PLEKHG1: variants seen among roughly 807,000 people sequenced by gnomAD.
The protein encoded by PLEKHG1 is pleckstrin homology domain-containing family G member 1.
PLEKHG1 carries 44 observed loss-of-function variants against 100.8 expected under a neutral mutation model. The observed-to-expected ratio is 0.44, with a 90% CI of 0.34 to 0.56. The LOEUF (loss-of-function observed/expected upper bound fraction) is 0.56, where lower values mean the gene tolerates loss of function less well. Among genes scored for constraint, PLEKHG1 ranks in the 20% least tolerant of loss-of-function variants. The probability of loss-of-function intolerance (pLI) is 0.01; values close to 1 mark genes in which losing one functional copy is unlikely to be tolerated. For missense variants in PLEKHG1, 1,545 were observed against 1,720.9 expected, an observed-to-expected ratio of 0.90 and a Z score of 1.81; for synonymous variants, 640 against 662.5, an observed-to-expected ratio of 0.97 and a Z score of 0.52.
intron 1 of PLEKHG1, among the ~76,000 whole-genome samples, chr6:150,723,999 A>G (rs1207173374): frequency 6.6e-6 from 1 of 152,228 alleles, no homozygotes; most frequent in Non-Finnish European, 1.5e-5. Flanking sequence ...CCCTCTGTGT[A>G]TCACTGCGGT....
At chr6:150,731,887 C>T (rs1782277585) in intron 1 of PLEKHG1, among the ~76,000 whole-genome samples, 1 of 151,462 alleles carries the variant, frequency 6.6e-6, no homozygotes, top group Non-Finnish European at 1.5e-5. Flanking sequence ...ACCCAAATAG[C>T]TTCTGAATGT....
At chr6:150,842,945 C>G (rs1777597331) in exon 16 of PLEKHG1, 1 of 152,220 alleles carries the variant, frequency 6.6e-6, no homozygotes, top group Admixed American at 6.5e-5. Flanking sequence ...AACTCCTGAT[C>G]TCATGATCCG....
intron 3 of PLEKHG1, among the ~76,000 whole-genome samples, chr6:150,678,081 TATATA>T (rs1779821126): frequency 1.4e-5 from 2 of 138,676 alleles, no homozygotes; most frequent in South Asian, 2.4e-4. Flanking sequence ...TATATATATA[TATATA>T]TATATATATA....
intron 1 of PLEKHG1, among the ~76,000 whole-genome samples, chr6:150,730,296 G>A (rs1782174914): frequency 1.6e-5 from 2 of 123,520 alleles, no homozygotes; most frequent in Non-Finnish European, 1.6e-5. Context: ...TTTCATGGTA[G>A]ACAATTTTTC....
At chr6:150,602,654 G>GATT (rs1776402994) in intron 1 of PLEKHG1, among the ~76,000 whole-genome samples, 1 of 152,060 alleles carries the variant, frequency 6.6e-6, no homozygotes, top group African/African-American at 2.4e-5. Context: ...TGGCACATAT[G>GATT]GTGTGCTTTG....
intron 1 of PLEKHG1, among the ~76,000 whole-genome samples, chr6:150,723,816 G>C (rs867919750): frequency 2.8e-4 from 42 of 152,344 alleles, no homozygotes; most frequent in African/African-American, 8.7e-4. Context: ...CAAGGGTTCT[G>C]TGAGGCAAGA....
chr6:150,802,989 ATCC>A (rs1469081441), intron 6 of PLEKHG1, among the ~76,000 whole-genome samples: 1 of 152,064 alleles, frequency 6.6e-6, no homozygotes, highest in African/African-American at 2.4e-5. Context: ...TTATGTAGCT[ATCC>A]ATGAAAATCC....
At chr6:150,762,356 AT>A (rs35841121) in intron 2 of PLEKHG1, among the ~76,000 whole-genome samples, 5,190 of 145,532 alleles carry the variant, frequency 0.036, 265 homozygotes, top group African/African-American at 0.12. Context: ...AGCCCGGCTA[AT>A]TTTTTTTTTT....
intron 3 of PLEKHG1, chr6:150,663,291 A>C (rs987632953): frequency 6.6e-6 from 1 of 152,176 alleles, no homozygotes; most frequent in Non-Finnish European, 1.5e-5. Context: ...TTTAGCCTTA[A>C]AGGCAAGTTA....
Position 150,804,155 on chromosome 6 carries a change from T to TATATATATATA in PLEKHG1, c.781-455_781-454insATATATATATA, listed in dbSNP as rs1554276213. On this transcript the variant is annotated intron_variant, in intron 6 of 15. Transcript: ENST00000358517. ...AGAATGATGCTGGTGTGTAAATATT[T>TATATATATATA]TATATATATATATATATATATTTTT... is the stretch of plus-strand genomic sequence containing the variant. 1.0e-3 allele frequency among the ~76,000 whole-genome samples: 31 copies of TATATATATATA among 30,266 alleles called. 1 individual carries two copies. Among genetic ancestry groups the TATATATATATA allele is most frequent in the African/African-American group, 4.1e-3 (29 of 7,030 alleles). The allele number at this position is 30,266 out of a possible 152,430, so 19.9% of individuals were successfully genotyped here.
At chr6:150,772,847 A>G (rs1784776085) in intron 3 of PLEKHG1, among the ~76,000 whole-genome samples, 1 of 152,108 alleles carries the variant, frequency 6.6e-6, no homozygotes, top group Non-Finnish European at 1.5e-5. Flanking sequence ...TCTGGCTCAT[A>G]TCCATTGCCC....
chr6:150,748,901 A>G (rs1363615054), intron 2 of PLEKHG1, among the ~76,000 whole-genome samples: 1 of 152,156 alleles, frequency 6.6e-6, no homozygotes, highest in East Asian at 1.9e-4. Flanking sequence ...TGCTGGGATT[A>G]CAGGCGTGAG....
chr6:150,757,291 G>A (rs949569976), intron 2 of PLEKHG1, among the ~76,000 whole-genome samples: 2 of 152,216 alleles, frequency 1.3e-5, no homozygotes, highest in African/African-American at 2.4e-5. Context: ...GTGAGCCACC[G>A]CACCCCACCT....
intron 3 of PLEKHG1, among the ~76,000 whole-genome samples, chr6:150,681,235 T>C (rs62434125): frequency 0.1 from 15,624 of 152,108 alleles, 949 homozygotes; most frequent in South Asian, 0.16. Context: ...AAAGAAAGGA[T>C]AATAGGCCGG....
intron 4 of PLEKHG1, among the ~76,000 whole-genome samples, chr6:150,792,605 C>T (rs1405147366): frequency 6.7e-6 from 1 of 150,230 alleles, no homozygotes; most frequent in Non-Finnish European, 1.5e-5. Context: ...ACCCAAGAGG[C>T]AAAGGCTGCA....
intron 1 of PLEKHG1, among the ~76,000 whole-genome samples, chr6:150,608,759 T>C (rs1223124082): frequency 6.6e-6 from 1 of 152,240 alleles, no homozygotes; most frequent in African/African-American, 2.4e-5. Flanking sequence ...AGTTTGTTTT[T>C]CTAAGATCTG....
At chr6:150,805,851 A>C (rs1476734023) in intron 7 of PLEKHG1, among the ~76,000 whole-genome samples, 1 of 152,158 alleles carries the variant, frequency 6.6e-6, no homozygotes, top group Non-Finnish European at 1.5e-5. Flanking sequence ...AAAATAAGAC[A>C]GAGAAGTTTG....
In PLEKHG1 at chr6:150,683,925, T is replaced by C; in HGVS notation, c.-99+33139T>C. ...TATGGTTTGGCACCTGCAGCCAGGG[T>C]GGTGGCAAGGGCAGTGGCAAGTAGT... On this transcript the variant is annotated intron_variant, in intron 3 of 3. Coordinates refer to the PLEKHG1 transcript ENST00000367326. This position sits in a 1 kb window ranked among gnomAD's most constrained non-coding sequence, Gnocchi z 4.0. 1 of 792,120 alleles carries C rather than the reference T, an allele frequency of 1.3e-6. No individual in the cohort carries two copies. The highest frequency in any genetic ancestry group is 1.8e-6 in the Non-Finnish European group (1 of 564,830). The allele number at this position is 792,120 out of a possible 1,614,324, so 49.1% of individuals were successfully genotyped here.
chr6:150,779,344 G>GTTTTTTTTTTTTTT (rs71554482), intron 3 of PLEKHG1, among the ~76,000 whole-genome samples: 35 of 104,514 alleles, frequency 3.3e-4, no homozygotes, highest in Admixed American at 7.4e-4. Flanking sequence ...TTGTCAAGAA[G>GTTTTTTTTTTTTTT]TTTTTTTTTT....
Sources: allele counts gnomAD v4.1 joint callset (sites outside exome capture counted in the v4.1 genomes callset), GRCh38; gene constraint gnomAD v4.1.1; non-coding constraint Gnocchi (gnomAD v3.1); transcripts MANE v1.5; gene names NCBI Gene and HGNC (gene_info 2026-07-23, HGNC 2026-07-21).